The following SLC16A9 variants were observed in gnomAD, a reference collection of about 807,000 sequenced individuals.
SLC16A9 encodes solute carrier family 16 member 9, also known as monocarboxylate transporter 9.
SLC16A9 carries 26 observed loss-of-function variants against 44.3 expected under a neutral mutation model. The ratio of observed to expected loss-of-function variants is 0.59; its 90% CI spans 0.43 to 0.81. SLC16A9 has a LOEUF of 0.81. Ranked by LOEUF, SLC16A9 falls within the 40% of genes least tolerant of loss-of-function variation. The probability of loss-of-function intolerance (pLI) is 0.00; values close to 1 mark genes in which losing one functional copy is unlikely to be tolerated. For missense variants in SLC16A9, 559 were observed against 595.8 expected (o/e 0.94, Z 0.64); for synonymous variants, 230 against 225.1 (o/e 1.02, Z -0.19).
chr10:59,666,395 T>C (rs1204446474), intron 3 of SLC16A9, among the ~76,000 whole-genome samples: 1 of 152,080 alleles, frequency 6.6e-6, no homozygotes. Flanking sequence ...TAAAGAGAAG[T>C]CTGTGTACCT....
In SLC16A9 at chr10:59,651,265, G is replaced by C. The variant is rs1420855983; in HGVS notation, c.*1507C>G. The C allele has an allele frequency of 2.0e-5, 3 of 152,064 alleles. No individual in the cohort carries two copies. Among genetic ancestry groups the C allele is most frequent in the Non-Finnish European group, 4.4e-5 (3 of 68,012 alleles). 9.4% of individuals were successfully genotyped at this position (152,064 alleles called of 1,614,324 possible). On this transcript the variant is annotated 3_prime_UTR_variant, in exon 6 of 6. Coordinates refer to ENST00000395348, the MANE Select transcript of SLC16A9 (RefSeq NM_194298.3). ...GCCTTCGAAGAAAGGCAACATACAAGTATAAAATAATCATACAAATTTCAA... is the reference window on the plus strand; with the variant it reads ...GCCTTCGAAGAAAGGCAACATACAACTATAAAATAATCATACAAATTTCAA...
intron 1 of SLC16A9, among the ~76,000 whole-genome samples, chr10:59,699,913 C>CAA (rs1159448143): frequency 6.6e-6 from 1 of 151,294 alleles, no homozygotes; most frequent in Non-Finnish European, 1.5e-5. Context: ...CACACACACA[C>CAA]ACACACACAC....
chr10:59,652,501 TA>T lies in SLC16A9; in HGVS notation c.*270del. ...GCCTTCTGAGGCTGGTCAAACTTTTTACAATGTTAAGAACTAGTGAATAACA... is the reference window on the plus strand; with the variant it reads ...GCCTTCTGAGGCTGGTCAAACTTTTTCAATGTTAAGAACTAGTGAATAACA... On this transcript the variant is annotated 3_prime_UTR_variant, in exon 6 of 6. Transcript: ENST00000395348. The T allele has an allele frequency of 7.7e-6, 2 of 259,544 alleles. No individual in the cohort carries two copies. The highest frequency in any genetic ancestry group is 1.4e-5 in the Non-Finnish European group (2 of 139,376). The allele number at this position is 259,544 out of a possible 1,614,324, so 16.1% of individuals were successfully genotyped here. A position where few individuals can be genotyped will look rare whatever the true frequency, so the allele number is the denominator to read the frequency against.
intron 1 of SLC16A9, among the ~76,000 whole-genome samples, chr10:59,685,106 T>G (rs779824654): frequency 1.1e-4 from 16 of 152,198 alleles, no homozygotes; most frequent in Non-Finnish European, 1.8e-4. Flanking sequence ...AAGCAAATAT[T>G]TTCAATGTCT....
At chr10:59,692,232 T>C (rs538169770) in intron 1 of SLC16A9, among the ~76,000 whole-genome samples, 76 of 152,322 alleles carry the variant, frequency 5.0e-4, no homozygotes, top group Middle Eastern at 3.4e-3. Context: ...GATCTAGTTA[T>C]CTGTGAGGTG....
rs1349944474 is a variant in SLC16A9 at position 59,652,154 on chromosome 10, T to C, written c.*618A>G. The C allele has an allele frequency of 1.3e-5, 2 of 152,166 alleles. No homozygotes were observed. The highest frequency in any genetic ancestry group is 2.9e-5 in the Non-Finnish European group (2 of 68,034). The allele number at this position is 152,166 out of a possible 1,614,324, so 9.4% of individuals were successfully genotyped here. On this transcript the variant is annotated 3_prime_UTR_variant, in exon 6 of 6. Transcript: ENST00000395348. Reference sequence around the variant, plus strand: ...GTTGCTCAGTGGGTACCAAACAACATGCGAGTACTTCAGTGAGGTAAATAG... The same window carrying C: ...GTTGCTCAGTGGGTACCAAACAACACGCGAGTACTTCAGTGAGGTAAATAG...
At chr10:59,682,529 T>C (rs978699699) in intron 2 of SLC16A9, among the ~76,000 whole-genome samples, 4 of 152,174 alleles carry the variant, frequency 2.6e-5, no homozygotes, top group East Asian at 1.9e-4. Context: ...AGCCCTCTAC[T>C]CCAACCTGGA....
At chr10:59,702,157 ATGAAC>A (rs1212863037) in intron 1 of SLC16A9, among the ~76,000 whole-genome samples, 2 of 152,196 alleles carry the variant, frequency 1.3e-5, no homozygotes, top group African/African-American at 4.8e-5. Context: ...ATTCAACAAA[ATGAAC>A]TGAGTGCATT....
chr10:59,688,374 G>A (rs184801744), intron 1 of SLC16A9, among the ~76,000 whole-genome samples: 194 of 152,222 alleles, frequency 1.3e-3, no homozygotes, highest in African/African-American at 4.1e-3. Flanking sequence ...ATGTCACCAC[G>A]TGCATAAGTC....
chr10:59,667,423 A>T (rs938397781), intron 3 of SLC16A9, among the ~76,000 whole-genome samples: 6 of 152,178 alleles, frequency 3.9e-5, no homozygotes, highest in African/African-American at 1.4e-4. Flanking sequence ...ATTTGCAAAC[A>T]TGTAAGACAA....
At chr10:59,664,830 A>G (rs1839572551) in intron 3 of SLC16A9, among the ~76,000 whole-genome samples, 1 of 152,226 alleles carries the variant, frequency 6.6e-6, no homozygotes. Context: ...GGGTTCTCAT[A>G]TCATCTCACA....
chr10:59,671,381 G>GCCATC (rs1043461330), intron 3 of SLC16A9, among the ~76,000 whole-genome samples: 42 of 152,318 alleles, frequency 2.8e-4, no homozygotes, highest in African/African-American at 9.6e-4. Flanking sequence ...AGAGAACTAT[G>GCCATC]CCATCTATTT....
At chr10:59,665,812 G>T (rs569904142) in intron 3 of SLC16A9, among the ~76,000 whole-genome samples, 1 of 151,950 alleles carries the variant, frequency 6.6e-6, no homozygotes, top group Non-Finnish European at 1.5e-5. Context: ...TTCAAGACAT[G>T]AAAAAAAGAC....
At chr10:59,693,809 C>T (rs566878273) in intron 1 of SLC16A9, among the ~76,000 whole-genome samples, 28 of 149,482 alleles carry the variant, frequency 1.9e-4, no homozygotes, top group African/African-American at 6.4e-4. Flanking sequence ...TTTAGTAAGA[C>T]GGAGTTTCAC....
intron 1 of SLC16A9, among the ~76,000 whole-genome samples, chr10:59,687,195 G>A (rs556704044): frequency 6.6e-5 from 10 of 152,236 alleles, no homozygotes; most frequent in African/African-American, 1.9e-4. Flanking sequence ...ATGAGCCACC[G>A]TGCCTGGCCC....
intron 2 of SLC16A9, among the ~76,000 whole-genome samples, chr10:59,678,545 TC>T (rs201872399): frequency 2.0e-4 from 4 of 19,550 alleles, no homozygotes; most frequent in East Asian, 1.1e-3. Flanking sequence ...TTTTTCTTTT[TC>T]TTTTTTTTGA....
At chr10:59,657,021 T>C (rs754952887) in intron 4 of SLC16A9, among the ~76,000 whole-genome samples, 18 of 152,118 alleles carry the variant, frequency 1.2e-4, no homozygotes, top group Non-Finnish European at 1.8e-4. Flanking sequence ...AGAGAGTAAA[T>C]ATTTAAGGCA....
intron 1 of SLC16A9, among the ~76,000 whole-genome samples, chr10:59,693,526 T>C (rs1367051039): frequency 1.3e-5 from 2 of 152,056 alleles, no homozygotes; most frequent in East Asian, 1.9e-4. Context: ...TGTCTATATA[T>C]ACACACACAC....
At chr10:59,702,456 C>T (rs915910912) in intron 1 of SLC16A9, among the ~76,000 whole-genome samples, 6 of 152,124 alleles carry the variant, frequency 3.9e-5, no homozygotes, top group Non-Finnish European at 7.4e-5. Flanking sequence ...AAGGGCAAAT[C>T]GTGGCTCAAA....
Sources: allele counts gnomAD v4.1 joint callset (sites outside exome capture counted in the v4.1 genomes callset), GRCh38; gene constraint gnomAD v4.1.1; transcripts MANE v1.5; gene names NCBI Gene and HGNC (gene_info 2026-07-23, HGNC 2026-07-21).